IFNGR2: variants seen among roughly 807,000 people sequenced by gnomAD.
IFNGR2 encodes the protein interferon gamma receptor 2, also known as IFN-gamma receptor 2.
Under a neutral mutation model 41.1 loss-of-function variants are expected in IFNGR2, and 15 were observed. The observed-to-expected ratio is 0.37, with a 90% CI of 0.24 to 0.56. The LOEUF is 0.56. Ranked by LOEUF, IFNGR2 falls within the 20% of genes least tolerant of loss-of-function variation. The pLI, the probability that IFNGR2 is intolerant of heterozygous loss-of-function variation, is 0.81. For synonymous variants in IFNGR2, 161 were observed against 171.6 expected (o/e 0.94, Z 0.48); for missense variants, 362 against 415.7 (o/e 0.87, Z 1.12).
At chr21:33,422,995 G>C (rs1304018896) in intron 3 of IFNGR2, among the ~76,000 whole-genome samples, 1 of 150,728 alleles carries the variant, frequency 6.6e-6, no homozygotes, top group Non-Finnish European at 1.5e-5. Context: ...GATTCAGTTG[G>C]GTAATTAGTA....
chr21:33,408,289 C>T (rs1200396359), intron 1 of IFNGR2, among the ~76,000 whole-genome samples: 14 of 151,996 alleles, frequency 9.2e-5, no homozygotes, highest in Admixed American at 2.0e-4. Flanking sequence ...CTCCACCTCC[C>T]GGGTTCAAGT....
At chr21:33,414,335 TG>T (rs2083738168) in intron 1 of IFNGR2, among the ~76,000 whole-genome samples, 1 of 128,262 alleles carries the variant, frequency 7.8e-6, no homozygotes, top group South Asian at 2.6e-4. Context: ...TTTGCGTACC[TG>T]ATTTAGGATG....
At chr21:33,420,986 C>T (rs1242356699) in intron 2 of IFNGR2, among the ~76,000 whole-genome samples, 2 of 152,026 alleles carry the variant, frequency 1.3e-5, no homozygotes, top group Non-Finnish European at 2.9e-5. Context: ...CACATGAGGC[C>T]AGGAGTTTGA....
At chr21:33,433,842 A>G (rs1474565889) in intron 6 of IFNGR2, among the ~76,000 whole-genome samples, 1 of 150,454 alleles carries the variant, frequency 6.6e-6, no homozygotes, top group Non-Finnish European at 1.5e-5. Context: ...TGGCCTGGAG[A>G]TTGGCTGCAG....
chr21:33,420,705 A>C (rs2083785439), intron 2 of IFNGR2, among the ~76,000 whole-genome samples: 1 of 152,238 alleles, frequency 6.6e-6, no homozygotes, highest in South Asian at 2.1e-4. Flanking sequence ...TGTATCCAGA[A>C]TAGATAACGA....
chr21:33,410,088 G>T (rs561946890), intron 1 of IFNGR2, among the ~76,000 whole-genome samples: 2 of 136,106 alleles, frequency 1.5e-5, no homozygotes, highest in African/African-American at 5.7e-5. Context: ...AGCAGTTACA[G>T]ATATATTACA....
intron 2 of IFNGR2, among the ~76,000 whole-genome samples, chr21:33,419,218 G>C (rs1056386556): frequency 4.6e-5 from 7 of 152,250 alleles, no homozygotes; most frequent in African/African-American, 1.7e-4. Context: ...TGATTGTCCT[G>C]CCTCAGCCTT....
At position 33,426,574 on chromosome 21, in the gene IFNGR2, A is replaced by C. The variant is rs121913201; in HGVS notation, c.413-310A>C. Among the ~76,000 whole-genome samples, 1 of 149,744 alleles carries C rather than the reference A, an allele frequency of 6.7e-6. No individual in the cohort carries two copies. The highest frequency in any genetic ancestry group is 2.5e-5 in the African/African-American group (1 of 40,692). ...TCTTCTAAAAATATAAAAATTAGCC[A>C]GGCATGGTGGCACACGCCTGTTGTA... On this transcript the variant is annotated intron_variant, in intron 3 of 6. Coordinates refer to ENST00000290219, the MANE Select transcript of IFNGR2 (RefSeq NM_005534.4).
intron 1 of IFNGR2, among the ~76,000 whole-genome samples, chr21:33,413,710 G>A (rs1190263993): frequency 6.6e-6 from 1 of 151,878 alleles, no homozygotes; most frequent in Non-Finnish European, 1.5e-5. Context: ...TGAAGTACCT[G>A]CTTGGGGAAG....
chr21:33,415,085 C>T (rs1342076236), intron 2 of IFNGR2, 65 bp downstream of exon 2: 7 of 1,568,012 alleles, frequency 4.5e-6, no homozygotes, highest in Non-Finnish European at 6.1e-6. Flanking sequence ...AACCCTGGGG[C>T]CACATACTAG....
intron 1 of IFNGR2, among the ~76,000 whole-genome samples, chr21:33,404,760 ACC>A (rs2083665457): frequency 1.3e-5 from 2 of 152,058 alleles, no homozygotes; most frequent in Admixed American, 1.3e-4. Flanking sequence ...TTCTGTCCCT[ACC>A]CAGAGAGCTT....
intron 2 of IFNGR2, among the ~76,000 whole-genome samples, chr21:33,415,799 C>A (rs1417375262): frequency 6.6e-6 from 1 of 152,182 alleles, no homozygotes; most frequent in Non-Finnish European, 1.5e-5. Context: ...CATTTGAAGT[C>A]ATGGAAATGT....
chr21:33,435,612 AG>A (rs905171867), intron 6 of IFNGR2, among the ~76,000 whole-genome samples: 3 of 152,064 alleles, frequency 2.0e-5, no homozygotes, highest in African/African-American at 7.2e-5. Context: ...TGGCTGGGTG[AG>A]GTGGCTCATG....
chr21:33,432,426 G>C (rs2083898129), intron 5 of IFNGR2, 90 bp downstream of exon 5: 1 of 1,271,222 alleles, frequency 7.9e-7, no homozygotes, highest in Non-Finnish European at 1.1e-6. Flanking sequence ...GGTCATGGGT[G>C]GTGGGAGTGG....
intron 1 of IFNGR2, among the ~76,000 whole-genome samples, chr21:33,408,294 T>C (rs1438736155): frequency 6.6e-6 from 1 of 151,992 alleles, no homozygotes; most frequent in East Asian, 1.9e-4. Flanking sequence ...CCTCCCGGGT[T>C]CAAGTGATTC....
intron 3 of IFNGR2, 106 bp from the exon 4 acceptor site, chr21:33,426,778 T>C: frequency 3.7e-6 from 1 of 271,910 alleles, no homozygotes; most frequent in Non-Finnish European, 5.8e-6. Context: ...CTACACCCAC[T>C]ATATATATAT....
chr21:33,414,934 G>A lies in IFNGR2; in HGVS notation c.120G>A (p.Leu40=). The stretch of plus-strand genomic sequence containing the variant: ...CTCCTCAGCACCCGAAGATTCGCCT[G>A]TACAACGCAGAGCAGGTCCTGAGTT... The part of the protein sequence containing the change: ...LPAPQHPKIR[L]YNAEQVLSWE... The change falls in exon 2 of 7, where the codon CTG becomes CTA. Residue 40 remains leucine (L), a synonymous_variant. Transcript: ENST00000290219. The A allele has an allele frequency of 6.2e-7, 1 of 1,614,150 alleles. No homozygotes were observed. Among genetic ancestry groups the A allele is most frequent in the Non-Finnish European group, 8.5e-7 (1 of 1,180,014 alleles).
intron 2 of IFNGR2, among the ~76,000 whole-genome samples, chr21:33,420,612 A>G (rs986793160): frequency 6.6e-6 from 1 of 152,254 alleles, no homozygotes; most frequent in Non-Finnish European, 1.5e-5. Context: ...CATAGGCTAC[A>G]GAGACTGAGT....
intron 3 of IFNGR2, among the ~76,000 whole-genome samples, chr21:33,424,389 G>A (rs114630659): frequency 4.6e-5 from 7 of 152,126 alleles, no homozygotes; most frequent in East Asian, 1.9e-4. Flanking sequence ...CAGTGGGTCC[G>A]GTGCCAGCCA....
Sources: gnomAD v4.1 joint callset for allele counts (sites outside exome capture counted in the v4.1 genomes callset) on GRCh38, gnomAD v4.1.1 for gene constraint, MANE v1.5 for transcripts, NCBI Gene and HGNC (gene_info 2026-07-23, HGNC 2026-07-21) for gene names.